The following AFF2 variants were observed in gnomAD, a reference collection of about 807,000 sequenced individuals.
AFF2 encodes the protein AF4/FMR2 family member 2.
AFF2 carries 14 observed loss-of-function variants against 76.9 expected under a neutral mutation model. That is an observed-to-expected ratio of 0.18 (90% confidence interval 0.12 to 0.28). The LOEUF (loss-of-function observed/expected upper bound fraction) is 0.28, where lower values mean the gene tolerates loss of function less well. AFF2 is among the 10% of genes least tolerant of loss of function. The pLI, the probability that AFF2 is intolerant of heterozygous loss-of-function variation, is 1.00. For synonymous variants in AFF2, 398 were observed against 366.7 expected, an observed-to-expected ratio of 1.09 and a Z score of -0.98; for missense variants, 868 against 1,001.1, an observed-to-expected ratio of 0.87 and a Z score of 1.79.
At chrX:148,621,199 C>G (rs1324739926) in intron 1 of AFF2, among the ~76,000 whole-genome samples, 2 of 111,590 alleles carry the variant, frequency 1.8e-5, no homozygotes, top group Non-Finnish European at 3.8e-5. Context: ...GAGCTTGGGA[C>G]AAGTTATTGG....
intron 3 of AFF2, among the ~76,000 whole-genome samples, chrX:148,701,013 TGTGTGTG>T (rs1424424694): frequency 7.6e-5 from 1 of 13,180 alleles, no homozygotes; most frequent in African/African-American, 2.2e-4. Context: ...AGAGAGAGAA[TGTGTGTG>T]TGTGTGTGTG....
intron 1 of AFF2, among the ~76,000 whole-genome samples, chrX:148,558,769 CA>C (rs782585788): frequency 4.4e-4 from 49 of 111,693 alleles, no homozygotes; most frequent in Non-Finnish European, 6.8e-4. Context: ...ACTGATTTAC[CA>C]GTGCCAAATG....
chrX:148,668,420 C>G (rs2054382590), intron 3 of AFF2, among the ~76,000 whole-genome samples: 2 of 112,869 alleles, frequency 1.8e-5, no homozygotes, highest in South Asian at 3.7e-4. Context: ...TGTGGCAGCT[C>G]TGACCCCACA....
Position 148,766,054 on chromosome X carries a change from G to A in AFF2, c.1042-43822G>A, listed in dbSNP as rs372405248. 8.3e-4 allele frequency among the ~76,000 whole-genome samples: 91 copies of A among 110,053 alleles called. 1 individual carries two copies. Among genetic ancestry groups the A allele is most frequent in the East Asian group, 6.9e-3 (24 of 3,455 alleles). On this transcript the variant is annotated intron_variant, in intron 3 of 20. Coordinates refer to ENST00000370460, the MANE Select transcript of AFF2 (RefSeq NM_002025.4). ...TGAACTCATCATTTTTTATGGCTGC[G>A]TAGTATTCCATGGTATATATGTGCC...
At chrX:148,914,982 A>T (rs182200440) in intron 9 of AFF2, among the ~76,000 whole-genome samples, 6 of 112,591 alleles carry the variant, frequency 5.3e-5, no homozygotes, top group African/African-American at 1.9e-4. Flanking sequence ...TCCTCTGTCG[A>T]CCGCAGAATG....
chrX:148,841,491 A>G (rs1413158141), intron 5 of AFF2, among the ~76,000 whole-genome samples: 3 of 111,888 alleles, frequency 2.7e-5, no homozygotes, highest in African/African-American at 9.7e-5. Context: ...TTGATAACTT[A>G]TATATTATGA....
At chrX:148,908,640 G>C (rs1339014413) in intron 9 of AFF2, among the ~76,000 whole-genome samples, 2 of 111,765 alleles carry the variant, frequency 1.8e-5, no homozygotes, top group Non-Finnish European at 3.8e-5. Context: ...AATGAAAATT[G>C]TGTACAGTTT....
At chrX:148,839,374 T>C (rs1369486964) in intron 5 of AFF2, among the ~76,000 whole-genome samples, 1 of 112,209 alleles carries the variant, frequency 8.9e-6, no homozygotes, top group African/African-American at 3.2e-5. Flanking sequence ...ACACATACAA[T>C]GGCACCATGT....
At chrX:148,862,729 C>T (rs976007855) in intron 7 of AFF2, among the ~76,000 whole-genome samples, 2 of 112,364 alleles carry the variant, frequency 1.8e-5, no homozygotes, top group Admixed American at 1.9e-4. Context: ...AAAGCAAATA[C>T]GTTTCTGTGT....
chrX:148,696,448 T>TA (rs1488206199), intron 3 of AFF2, among the ~76,000 whole-genome samples: 1 of 110,711 alleles, frequency 9.0e-6, no homozygotes, highest in East Asian at 2.8e-4. Context: ...TAAAGTATAA[T>TA]AATAAATAAA....
intron 1 of AFF2, among the ~76,000 whole-genome samples, chrX:148,504,674 C>A (rs1169354521): frequency 8.8e-6 from 1 of 113,190 alleles, no homozygotes; most frequent in African/African-American, 3.2e-5. Flanking sequence ...GCCCCCAGGG[C>A]CTGCCCCAGC....
intron 3 of AFF2, among the ~76,000 whole-genome samples, chrX:148,696,593 G>A (rs2054724921): frequency 9.0e-6 from 1 of 111,544 alleles, no homozygotes; most frequent in African/African-American, 3.3e-5. Flanking sequence ...TTATTCTTCT[G>A]TAACATGACT....
At position 148,674,247 on chromosome X, in the gene AFF2, C is replaced by T. The variant is rs183291444; in HGVS notation, c.1041+11479C>T. On this transcript the variant is annotated intron_variant, in intron 3 of 20. Transcript: ENST00000370460. Reference sequence around the variant, plus strand: ...AAACATCTTAACAGTGTAAAAAATACTCTTAACTTGGGAGCCAAACCACAT... The same window carrying T: ...AAACATCTTAACAGTGTAAAAAATATTCTTAACTTGGGAGCCAAACCACAT... 1.3e-4 allele frequency among the ~76,000 whole-genome samples: 15 copies of T among 112,084 alleles called. 1 individual carries two copies. The highest frequency in any genetic ancestry group is 8.5e-4 in the Admixed American group (9 of 10,611).
intron 3 of AFF2, chrX:148,719,335 T>G: frequency 1.8e-6 from 1 of 571,101 alleles, no homozygotes; most frequent in Non-Finnish European, 2.8e-6. Context: ...GTGAGGTATT[T>G]CCTTTGGCTT....
intron 1 of AFF2, among the ~76,000 whole-genome samples, chrX:148,602,302 A>G (rs1467856615): frequency 5.4e-5 from 6 of 111,876 alleles, no homozygotes. Flanking sequence ...GATATTGTAC[A>G]GCCTGGCAGG....
At chrX:148,543,933 C>G (rs1301526056) in intron 1 of AFF2, among the ~76,000 whole-genome samples, 1 of 112,247 alleles carries the variant, frequency 8.9e-6, no homozygotes, top group Non-Finnish European at 1.9e-5. Context: ...TTTTGTCCCT[C>G]CATGTTCTGT....
chrX:148,840,117 G>T (rs1327081224), intron 5 of AFF2, among the ~76,000 whole-genome samples: 1 of 111,151 alleles, frequency 9.0e-6, no homozygotes, highest in Non-Finnish European at 1.9e-5. Context: ...AAGGGAGTAA[G>T]TGCATGCCAA....
chrX:148,889,225 G>T (rs1409978884), intron 8 of AFF2, among the ~76,000 whole-genome samples: 2 of 111,326 alleles, frequency 1.8e-5, no homozygotes, highest in African/African-American at 6.5e-5. Flanking sequence ...CTCTAAACTG[G>T]CATTTGGGTA....
chrX:148,961,670 A>G (rs2072110345), intron 12 of AFF2, among the ~76,000 whole-genome samples: 2 of 112,284 alleles, frequency 1.8e-5, no homozygotes, highest in Non-Finnish European at 3.8e-5. Context: ...ATGCTTGTTC[A>G]TCTTTGATTT....
Sources: gnomAD v4.1 joint callset for allele counts (sites outside exome capture counted in the v4.1 genomes callset) on GRCh38, gnomAD v4.1.1 for gene constraint, MANE v1.5 for transcripts, NCBI Gene and HGNC (gene_info 2026-07-23, HGNC 2026-07-21) for gene names.